The following APIP variants were observed in gnomAD, a reference collection of about 807,000 sequenced individuals.
APIP encodes the protein methylthioribulose-1-phosphate dehydratase.
In APIP, 32 loss-of-function variants were observed where a neutral mutation model predicts 32.0. That is an observed-to-expected ratio of 1.00 (90% confidence interval 0.76 to 1.34). The LOEUF (loss-of-function observed/expected upper bound fraction) is 1.34. Among genes scored for constraint, APIP ranks in the 40% most tolerant of loss-of-function variants. APIP has a pLI of 0.00. For missense variants in APIP, 247 were observed against 298.6 expected (o/e 0.83, Z 1.27); for synonymous variants, 92 against 94.8 (o/e 0.97, Z 0.17).
intron 3 of APIP, 108 bp from the exon 4 acceptor site, chr11:34,888,977 T>G: frequency 1.8e-6 from 1 of 548,912 alleles, no homozygotes; most frequent in East Asian, 3.5e-5. Flanking sequence ...AGTTTATCTA[T>G]AGTATACATA....
intron 1 of APIP, among the ~76,000 whole-genome samples, chr11:34,896,273 G>A (rs189730904): frequency 2.6e-5 from 4 of 152,262 alleles, no homozygotes; most frequent in South Asian, 4.1e-4. Flanking sequence ...AGACACATAC[G>A]TATGTTTACT....
intron 5 of APIP, among the ~76,000 whole-genome samples, chr11:34,884,278 A>G (rs571690819): frequency 1.6e-4 from 25 of 152,350 alleles, no homozygotes; most frequent in African/African-American, 6.0e-4. Context: ...ACTTAAAAAA[A>G]AAAGTTCTAG....
chr11:34,894,958 G>T, intron 2 of APIP, 52 bp downstream of exon 2: 1 of 1,455,702 alleles, frequency 6.9e-7, no homozygotes, highest in Non-Finnish European at 9.7e-7. Context: ...TAGACTTGCT[G>T]TGGTCTACTC....
intron 1 of APIP, among the ~76,000 whole-genome samples, chr11:34,909,102 G>A (rs2915206): frequency 0.36 from 53,945 of 151,806 alleles, 10,156 homozygotes; most frequent in East Asian, 0.74. Flanking sequence ...TGGAAGGAAG[G>A]GACTGTGAAG....
At chr11:34,894,092 T>C (rs947459283) in intron 2 of APIP, among the ~76,000 whole-genome samples, 5 of 152,204 alleles carry the variant, frequency 3.3e-5, no homozygotes, top group African/African-American at 7.2e-5. Context: ...ATTTCATTGA[T>C]AGCAAGTTAC....
At chr11:34,900,267 A>ACCTTGG (rs1203468785) in intron 1 of APIP, among the ~76,000 whole-genome samples, 16 of 152,150 alleles carry the variant, frequency 1.1e-4, no homozygotes, top group African/African-American at 3.4e-4. Context: ...CCAGAGCTAA[A>ACCTTGG]GTAGGTTCCA....
At chr11:34,914,067 G>A (rs1383449035) in intron 1 of APIP, among the ~76,000 whole-genome samples, 1 of 152,198 alleles carries the variant, frequency 6.6e-6, no homozygotes, top group African/African-American at 2.4e-5. Flanking sequence ...TTCATTGCAT[G>A]TGGTTATGTC....
chr11:34,882,877 G>C, intron 6 of APIP, 61 bp from the exon 7 acceptor site: 1 of 1,157,120 alleles, frequency 8.6e-7, no homozygotes, highest in East Asian at 2.4e-5. Context: ...CAATCCTAAA[G>C]AATCACATTT....
At chr11:34,891,864 T>C (rs1853191909) in intron 2 of APIP, among the ~76,000 whole-genome samples, 1 of 152,206 alleles carries the variant, frequency 6.6e-6, no homozygotes, top group Non-Finnish European at 1.5e-5. Flanking sequence ...ATCCAAATCT[T>C]GTGTCCTTGT....
chr11:34,903,137 T>A (rs980725054), intron 1 of APIP, among the ~76,000 whole-genome samples: 1 of 152,202 alleles, frequency 6.6e-6, no homozygotes, highest in Non-Finnish European at 1.5e-5. Flanking sequence ...TAAAGACTTG[T>A]TCTCATCTAA....
At chr11:34,911,357 G>C (rs760144801) in intron 1 of APIP, among the ~76,000 whole-genome samples, 1 of 152,114 alleles carries the variant, frequency 6.6e-6, no homozygotes, top group African/African-American at 2.4e-5. Context: ...TAAAAAAATA[G>C]AAGTAGTCCC....
rs1449281799 is a variant in APIP at position 34,890,639 on chromosome 11, T to TTA, written c.159-89_159-88dup. On this transcript the variant is annotated intron_variant, in intron 2 of 6. Coordinates refer to ENST00000395787, the MANE Select transcript of APIP (RefSeq NM_015957.4). ...TTTGCAGTCCAATCATGCATGTTCT[T>TTA]TATAAATCAAGCAATACAGCCAGTT... 10 of 1,416,930 alleles carry TTA rather than the reference T, an allele frequency of 7.1e-6. No homozygotes were observed. The East Asian group carries it at 2.3e-4, about 33-fold the overall frequency. The allele number at this position is 1,416,930 out of a possible 1,614,324, so 87.8% of individuals were successfully genotyped here. A position where few individuals can be genotyped will look rare whatever the true frequency, so the allele number is the denominator to read the frequency against.
At chr11:34,886,587 C>T (rs1853075313) in intron 5 of APIP, among the ~76,000 whole-genome samples, 1 of 152,216 alleles carries the variant, frequency 6.6e-6, no homozygotes. Context: ...TTCACATTTA[C>T]TCACCACTCA....
intron 1 of APIP, among the ~76,000 whole-genome samples, chr11:34,909,682 C>T (rs1008746899): frequency 7.9e-5 from 12 of 151,890 alleles, no homozygotes; most frequent in African/African-American, 2.4e-4. Flanking sequence ...CTGAGGGTGG[C>T]GGAAGATAAA....
intron 1 of APIP, among the ~76,000 whole-genome samples, chr11:34,910,630 A>AATATGTAAT (rs1853531292): frequency 6.6e-6 from 1 of 152,204 alleles, no homozygotes; most frequent in Non-Finnish European, 1.5e-5. Context: ...TGTAATATTA[A>AATATGTAAT]ATATGTAATA....
intron 1 of APIP, among the ~76,000 whole-genome samples, chr11:34,898,552 T>C (rs932441835): frequency 6.6e-6 from 1 of 152,088 alleles, no homozygotes; most frequent in Non-Finnish European, 1.5e-5. Context: ...AAACTCTCCT[T>C]CTTTTTCTAT....
chr11:34,883,470 T>C lies in APIP; in HGVS notation c.496A>G (p.Asn166Asp). 1 of 1,613,972 alleles carries C rather than the reference T, an allele frequency of 6.2e-7. No homozygotes were observed. The highest frequency in any genetic ancestry group is 8.5e-7 in the Non-Finnish European group (1 of 1,179,918). The part of the protein sequence containing the change: ...DDMLVVPIIE[N>D]TPEEKDLKDR... ...TTGAGGTCTTTCTCCTCAGGTGTATTCTCAATAATGGGTACCACTAACATA... is the reference window on the plus strand; with the variant it reads ...TTGAGGTCTTTCTCCTCAGGTGTATCCTCAATAATGGGTACCACTAACATA... Residue 166 changes from asparagine to aspartate, a missense_variant, in exon 6 of 7, where the codon AAT becomes GAT. Coordinates refer to ENST00000395787, the MANE Select transcript of APIP (RefSeq NM_015957.4).
At chr11:34,886,651 G>A (rs995005639) in intron 5 of APIP, among the ~76,000 whole-genome samples, 2 of 152,136 alleles carry the variant, frequency 1.3e-5, no homozygotes, top group Non-Finnish European at 2.9e-5. Context: ...TTCATGGTCA[G>A]GGCCTTAGAC....
chr11:34,890,735 G>A, intron 2 of APIP, 183 bp from the exon 3 acceptor site: 1 of 501,438 alleles, frequency 2.0e-6, no homozygotes, highest in Admixed American at 3.9e-5. Context: ...TGTAGTGCTG[G>A]TGGCATTGTA....
Sources: gnomAD v4.1 joint callset for allele counts (sites outside exome capture counted in the v4.1 genomes callset) on GRCh38, gnomAD v4.1.1 for gene constraint, MANE v1.5 for transcripts, NCBI Gene and HGNC (gene_info 2026-07-23, HGNC 2026-07-21) for gene names.